LINGO2: variants seen among roughly 807,000 people sequenced by gnomAD.
LINGO2 encodes the protein leucine rich repeat and Ig domain containing 2.
A neutral mutation model predicts 30.6 loss-of-function variants in LINGO2; 14 were observed. The ratio of observed to expected loss-of-function variants is 0.46; its 90% confidence interval spans 0.30 to 0.72. The LOEUF (loss-of-function observed/expected upper bound fraction) is 0.72. Ranked by LOEUF, LINGO2 falls within the 30% of genes least tolerant of loss-of-function variation. LINGO2 has a pLI of 0.07. For missense variants in LINGO2, 729 were observed against 751.7 expected (o/e 0.97, Z 0.35); for synonymous variants, 317 against 288.5 (o/e 1.10, Z -1.00).
chr9:29,115,518 T>C, the LINGO2 span, among the ~76,000 whole-genome samples: 1 of 151,880 alleles, frequency 6.6e-6, no homozygotes. Flanking sequence ...ATAGAAAGAC[T>C]TGTAAAAAAA....
chr9:28,312,615 T>C (rs1824674399), intron 3 of LINGO2, among the ~76,000 whole-genome samples: 1 of 152,150 alleles, frequency 6.6e-6, no homozygotes, highest in African/African-American at 2.4e-5. Context: ...ACAAAATCAT[T>C]AGATTGGGTT....
In LINGO2 at chr9:27,996,919, A is replaced by G. The variant is rs149265972; in HGVS notation, c.-36+15436T>C. 2.2e-3 allele frequency among the ~76,000 whole-genome samples: 337 copies of G among 152,340 alleles called. 3 individuals carry two copies. The highest frequency in any genetic ancestry group is 3.7e-3 in the Non-Finnish European group (251 of 68,030). ...AAAGAATAAAAATTAAAACACTTAA[A>G]GAGCCCAATAAATGCTTTTAAAAAT... On this transcript the variant is annotated intron_variant, in intron 5 of 5. Coordinates refer to ENST00000379992, the Ensembl canonical transcript of LINGO2.
intron 4 of LINGO2, among the ~76,000 whole-genome samples, chr9:28,191,367 G>T (rs1819817164): frequency 6.6e-6 from 1 of 152,084 alleles, no homozygotes; most frequent in African/African-American, 2.4e-5. Context: ...CAAAACTTGG[G>T]AACCCCCAAA....
the LINGO2 span, among the ~76,000 whole-genome samples, chr9:28,969,146 A>G: frequency 6.6e-6 from 1 of 152,176 alleles, no homozygotes; most frequent in African/African-American, 2.4e-5. Flanking sequence ...GCATAGTAGT[A>G]AATTATTTAT....
At chr9:28,403,976 T>C (rs1170078351) in intron 2 of LINGO2, among the ~76,000 whole-genome samples, 1 of 152,086 alleles carries the variant, frequency 6.6e-6, no homozygotes, top group Non-Finnish European at 1.5e-5. Flanking sequence ...TTTCTTTAAT[T>C]ATCTCTCTAA....
chr9:28,271,075 T>C (rs144071075), intron 4 of LINGO2, among the ~76,000 whole-genome samples: 2 of 152,174 alleles, frequency 1.3e-5, no homozygotes, highest in African/African-American at 4.8e-5. Flanking sequence ...CATACATTCC[T>C]GTGATGTTCT....
intron 3 of LINGO2, among the ~76,000 whole-genome samples, chr9:28,371,649 T>C (rs961905544): frequency 2.6e-5 from 4 of 152,206 alleles, no homozygotes; most frequent in Non-Finnish European, 5.9e-5. Context: ...AGGGCTACGC[T>C]GTACCTTTAT....
chr9:29,063,601 T>C, the LINGO2 span, among the ~76,000 whole-genome samples: 8 of 151,918 alleles, frequency 5.3e-5, no homozygotes, highest in Non-Finnish European at 8.8e-5. Context: ...GGTTTCACCA[T>C]ATTGGCCAGG....
At chr9:28,544,449 A>G (rs1439166013) in intron 1 of LINGO2, among the ~76,000 whole-genome samples, 1 of 152,026 alleles carries the variant, frequency 6.6e-6, no homozygotes, top group Non-Finnish European at 1.5e-5. Flanking sequence ...TGACTGATAT[A>G]CCAGGTACAC....
At chr9:28,869,396 G>A in the LINGO2 span, among the ~76,000 whole-genome samples, 1 of 151,982 alleles carries the variant, frequency 6.6e-6, no homozygotes, top group African/African-American at 2.4e-5. Context: ...TTCTATAGAG[G>A]GTTTAAAAGT....
intron 4 of LINGO2, among the ~76,000 whole-genome samples, chr9:28,042,517 A>G (rs2132992847): frequency 6.6e-6 from 1 of 152,312 alleles, no homozygotes; most frequent in Admixed American, 6.5e-5. Flanking sequence ...ATAGAAGAGG[A>G]AGTGTTATAA....
intron 5 of LINGO2, among the ~76,000 whole-genome samples, chr9:27,963,664 TTTTG>T (rs1206758740): frequency 6.6e-6 from 1 of 151,954 alleles, no homozygotes; most frequent in Non-Finnish European, 1.5e-5. Context: ...TATAAGACTT[TTTTG>T]TTTTTTTGAA....
chr9:29,010,911 T>TA, the LINGO2 span, among the ~76,000 whole-genome samples: 1 of 151,918 alleles, frequency 6.6e-6, no homozygotes, highest in African/African-American at 2.4e-5. Flanking sequence ...ATAAATAAAA[T>TA]AAGTGGTATA....
the LINGO2 span, among the ~76,000 whole-genome samples, chr9:28,915,948 G>C: frequency 6.6e-6 from 1 of 152,056 alleles, no homozygotes; most frequent in Non-Finnish European, 1.5e-5. Flanking sequence ...TTCTGGCTTG[G>C]CTCTGTAAAC....
At chr9:28,824,026 T>C in the LINGO2 span, among the ~76,000 whole-genome samples, 1 of 152,160 alleles carries the variant, frequency 6.6e-6, no homozygotes, top group African/African-American at 2.4e-5. Flanking sequence ...TGGTATCACA[T>C]GGAACAGAGT....
chr9:28,494,073 C>G (rs1819487139), intron 1 of LINGO2, among the ~76,000 whole-genome samples: 1 of 152,098 alleles, frequency 6.6e-6, no homozygotes. Context: ...TTGATTAATA[C>G]ACCTAGAATT....
chr9:28,136,095 C>A (rs1827509324), intron 4 of LINGO2, among the ~76,000 whole-genome samples: 1 of 152,126 alleles, frequency 6.6e-6, no homozygotes. Context: ...TTTGTAGAGT[C>A]TGACAGACTC....
At chr9:28,744,974 C>T in the LINGO2 span, among the ~76,000 whole-genome samples, 2 of 151,916 alleles carry the variant, frequency 1.3e-5, no homozygotes, top group African/African-American at 4.8e-5. Context: ...GGAGTGATCC[C>T]TAGGTCTACA....
intron 2 of LINGO2, among the ~76,000 whole-genome samples, chr9:28,398,263 G>C (rs886788278): frequency 2.0e-5 from 3 of 152,298 alleles, no homozygotes; most frequent in African/African-American, 7.2e-5. Context: ...CCTGAATTTA[G>C]AAGGCGTTGA....
Sources: allele counts gnomAD v4.1 joint callset (sites outside exome capture counted in the v4.1 genomes callset), GRCh38; gene constraint gnomAD v4.1.1; transcripts MANE v1.5; gene names NCBI Gene and HGNC (gene_info 2026-07-23, HGNC 2026-07-21).